KATNIP: variants seen among roughly 807,000 people sequenced by gnomAD.
KATNIP encodes the protein katanin interacting protein, also known as katanin-interacting protein.
KATNIP carries 126 observed loss-of-function variants against 174.0 expected under a neutral mutation model. The observed-to-expected ratio is 0.72, with a 90% CI of 0.63 to 0.84. The LOEUF (loss-of-function observed/expected upper bound fraction) is 0.84, where lower values mean the gene tolerates loss of function less well. Ranked by LOEUF, KATNIP falls within the 40% of genes least tolerant of loss-of-function variation. The probability of loss-of-function intolerance (pLI) is 0.00; values close to 1 mark genes in which losing one functional copy is unlikely to be tolerated. For synonymous variants in KATNIP, 810 were observed against 835.7 expected (o/e 0.97, Z 0.53); for missense variants, 1,958 against 2,109.7 (o/e 0.93, Z 1.41).
At chr16:27,596,342 T>A (rs73533087) in intron 2 of KATNIP, among the ~76,000 whole-genome samples, 2,540 of 152,144 alleles carry the variant, frequency 0.017, 66 homozygotes, top group African/African-American at 0.057. Context: ...CCTCTAAGTC[T>A]TGGTCTGAGC....
In KATNIP at chr16:27,573,816, A is replaced by G; in HGVS notation, c.8-85A>G. On this transcript the variant is annotated intron_variant, in intron 1 of 27. Transcript: ENST00000261588. ...TGATTATGATTGGTCCCATCTATTCAGTTTGCAAATAAAAATCTTTTGTGT... is the reference window on the plus strand; with the variant it reads ...TGATTATGATTGGTCCCATCTATTCGGTTTGCAAATAAAAATCTTTTGTGT... The G allele has an allele frequency of 2.5e-6, 3 of 1,210,942 alleles. No individual in the cohort carries two copies. The South Asian group carries it at 3.7e-5, about 15-fold the overall frequency. 75.0% of individuals were successfully genotyped at this position (1,210,942 alleles called of 1,614,324 possible).
In KATNIP at chr16:27,662,041, T is replaced by TAC. The variant is rs1180827281; in HGVS notation, c.540+13310_540+13311dup. 1.1e-3 allele frequency among the ~76,000 whole-genome samples: 24 copies of TAC among 21,386 alleles called. 8 individuals are homozygous for TAC. Among genetic ancestry groups the TAC allele is most frequent in the Non-Finnish European group, 1.9e-3 (20 of 10,280 alleles). 14.0% of individuals were successfully genotyped at this position (21,386 alleles called of 152,430 possible). A position where few individuals can be genotyped will look rare whatever the true frequency, so the allele number is the denominator to read the frequency against. The stretch of plus-strand genomic sequence containing the variant: ...ACACATACATATATATATATATATA[T>TAC]ACACATACATATATATATATATATA... On this transcript the variant is annotated intron_variant, in intron 6 of 27. Coordinates refer to ENST00000261588, the MANE Select transcript of KATNIP (RefSeq NM_015202.5).
intron 2 of KATNIP, among the ~76,000 whole-genome samples, chr16:27,605,217 G>A (rs1452398149): frequency 6.6e-6 from 1 of 152,130 alleles, no homozygotes; most frequent in African/African-American, 2.4e-5. Context: ...ACAGGCGTGG[G>A]CCACCACACC....
rs116169899 is a variant in KATNIP at position 27,596,718 on chromosome 16, C to T, written c.64-21707C>T. Among the ~76,000 whole-genome samples the T allele has an allele frequency of 4.3e-3, 655 of 152,212 alleles. 2 individuals are homozygous for T. The highest frequency in any genetic ancestry group is 0.017 in the Middle Eastern group (5 of 294). ...CAGTCTGGGCAACATAGCAAGACCC[C>T]GTTTCCACAAAAAATAAAAATAGGC... On this transcript the variant is annotated intron_variant, in intron 2 of 27. Coordinates refer to ENST00000261588, the MANE Select transcript of KATNIP (RefSeq NM_015202.5).
At chr16:27,772,804 G>A (rs868096957) in intron 22 of KATNIP, among the ~76,000 whole-genome samples, 2 of 152,192 alleles carry the variant, frequency 1.3e-5, no homozygotes, top group African/African-American at 2.4e-5. Context: ...GGGGCCTAGA[G>A]GAAGGCTTTG....
chr16:27,605,112 T>TA (rs1447309694), intron 2 of KATNIP, among the ~76,000 whole-genome samples: 1 of 152,108 alleles, frequency 6.6e-6, no homozygotes, highest in Non-Finnish European at 1.5e-5. Flanking sequence ...ATATTTTTTT[T>TA]AGTGGAGATG....
At chr16:27,711,409 G>T (rs981348820) in intron 13 of KATNIP, among the ~76,000 whole-genome samples, 3 of 152,186 alleles carry the variant, frequency 2.0e-5, no homozygotes, top group Admixed American at 6.5e-5. Flanking sequence ...AAGGTTGGGG[G>T]CTACTTTCAG....
chr16:27,706,378 C>T (rs2079303227), intron 12 of KATNIP, among the ~76,000 whole-genome samples: 1 of 152,230 alleles, frequency 6.6e-6, no homozygotes, highest in African/African-American at 2.4e-5. Context: ...GGACACATTG[C>T]TTCCTTGGAC....
intron 13 of KATNIP, among the ~76,000 whole-genome samples, chr16:27,709,636 C>T (rs1417742954): frequency 1.3e-5 from 2 of 151,998 alleles, no homozygotes; most frequent in African/African-American, 4.8e-5. Flanking sequence ...GAGACTCTGT[C>T]TCAAAAAAAA....
chr16:27,582,200 C>G (rs1208131651), intron 2 of KATNIP, among the ~76,000 whole-genome samples: 4 of 152,150 alleles, frequency 2.6e-5, no homozygotes, highest in Non-Finnish European at 5.9e-5. Flanking sequence ...CCATTCAGTT[C>G]TCCGTGTTCT....
intron 8 of KATNIP, among the ~76,000 whole-genome samples, chr16:27,695,681 G>A (rs1007171515): frequency 2.6e-5 from 4 of 152,162 alleles, no homozygotes; most frequent in African/African-American, 7.2e-5. Flanking sequence ...AACAGAGCCT[G>A]GCACAGATAA....
rs774156696 is a variant in KATNIP at position 27,631,105 on chromosome 16, C to CT, written c.353dup (p.Leu118PhefsTer11). The CT allele has an allele frequency of 6.3e-7, 1 of 1,578,224 alleles. No individual in the cohort carries two copies. The highest frequency in any genetic ancestry group is 8.6e-7 in the Non-Finnish European group (1 of 1,160,768). On this transcript the variant is annotated frameshift_variant, in exon 5 of 28. Coordinates refer to ENST00000261588, the MANE Select transcript of KATNIP (RefSeq NM_015202.5). LOFTEE classifies it high-confidence loss of function. ...CTCTGTTTCGAGAAGCTGAAGAAGC[C>CT]TTAAGACGCAGTTCACGGACAGCCC...
intron 5 of KATNIP, among the ~76,000 whole-genome samples, chr16:27,641,286 T>C (rs1195896406): frequency 2.6e-5 from 4 of 152,082 alleles, no homozygotes; most frequent in African/African-American, 9.7e-5. Flanking sequence ...GTCCAGGAGC[T>C]CAAACGATAT....
chr16:27,592,270 CTTTTTTTTTTTTT>C (rs71137799), intron 2 of KATNIP, among the ~76,000 whole-genome samples: 8 of 44,822 alleles, frequency 1.8e-4, no homozygotes, highest in African/African-American at 7.5e-4. Context: ...GCATATATTA[CTTTTTTTTTTTTT>C]TTTTTTTTTT....
chr16:27,751,941 G>C lies in KATNIP; in HGVS notation c.3552+17G>C. 6.3e-7 allele frequency: 1 copy of C among 1,582,018 alleles called. No individual in the cohort carries two copies. The highest frequency in any genetic ancestry group is 1.7e-5 in the Admixed American group (1 of 57,448). ...GATGAACGGGTAGGACTGGAGCTGG[G>C]GGGCTGTGGGGGGACCCCCAGATAG... On this transcript the variant is annotated intron_variant, in intron 17 of 27. Transcript: ENST00000261588.
chr16:27,570,263 G>T (rs2090238648), intron 1 of KATNIP, among the ~76,000 whole-genome samples: 1 of 151,982 alleles, frequency 6.6e-6, no homozygotes, highest in African/African-American at 2.4e-5. Flanking sequence ...GAAAACTCCA[G>T]TTTTCCCTTA....
chr16:27,739,948 T>A, intron 14 of KATNIP, 93 bp from the exon 15 acceptor site: 1 of 1,364,264 alleles, frequency 7.3e-7, no homozygotes, highest in Non-Finnish European at 1.0e-6. Flanking sequence ...CATTTCACAT[T>A]TTCTTTTCTT....
Position 27,692,750 on chromosome 16 carries a change from C to G in KATNIP, c.941-5578C>G, listed in dbSNP as rs148987028. On this transcript the variant is annotated intron_variant, in intron 8 of 27. Coordinates refer to ENST00000261588, the MANE Select transcript of KATNIP (RefSeq NM_015202.5). ...CCCCTTACCCTCTGCATGTACCTGA[C>G]CCATGTCTGTCTCTGCTTTGTGACT... 2.1e-3 allele frequency among the ~76,000 whole-genome samples: 323 copies of G among 152,318 alleles called. 1 individual carries two copies. Among genetic ancestry groups the G allele is most frequent in the African/African-American group, 7.4e-3 (309 of 41,568 alleles).
intron 2 of KATNIP, among the ~76,000 whole-genome samples, chr16:27,578,933 G>T (rs1270279379): frequency 1.3e-5 from 2 of 152,130 alleles, no homozygotes; most frequent in African/African-American, 4.8e-5. Context: ...AAGTCAGTAG[G>T]TAATTTCAGT....
Sources: allele counts gnomAD v4.1 joint callset (sites outside exome capture counted in the v4.1 genomes callset), GRCh38; gene constraint gnomAD v4.1.1; transcripts MANE v1.5; gene names NCBI Gene and HGNC (gene_info 2026-07-23, HGNC 2026-07-21).